The following SHISAL2A variants were observed in gnomAD, a reference collection of about 807,000 sequenced individuals.
SHISAL2A encodes the protein protein shisa-like-2A.
In SHISAL2A, 18 loss-of-function variants were observed where a neutral mutation model predicts 11.5. The observed-to-expected ratio is 1.57, with a 90% confidence interval of 1.08 to 2.33. The LOEUF (loss-of-function observed/expected upper bound fraction) is 2.33. Among genes scored for constraint, SHISAL2A ranks in the 30% most tolerant of loss-of-function variants. The probability of loss-of-function intolerance (pLI) is 0.00; values close to 1 mark genes in which losing one functional copy is unlikely to be tolerated. For synonymous variants in SHISAL2A, 94 were observed against 99.6 expected (o/e 0.94, Z 0.34); for missense variants, 261 against 250.9 (o/e 1.04, Z -0.27).
chr1:52,656,461 C>A (rs1009907354), intron 2 of SHISAL2A, among the ~76,000 whole-genome samples: 2 of 152,214 alleles, frequency 1.3e-5, no homozygotes, highest in Non-Finnish European at 2.9e-5. Context: ...CTTCTCCATA[C>A]TAGCTGTATG....
intron 1 of SHISAL2A, among the ~76,000 whole-genome samples, chr1:52,642,254 AAG>A (rs1389794924): frequency 6.6e-6 from 1 of 152,052 alleles, no homozygotes; most frequent in Non-Finnish European, 1.5e-5. Flanking sequence ...CAGGTGAGGA[AAG>A]TAGGGAGGGA....
intron 2 of SHISAL2A, among the ~76,000 whole-genome samples, chr1:52,651,262 G>C (rs561591038): frequency 1.2e-4 from 18 of 152,168 alleles, no homozygotes; most frequent in African/African-American, 4.3e-4. Flanking sequence ...TTTTGAGACG[G>C]AGTCTCGCTC....
chr1:52,639,760 A>G (rs912065836), intron 1 of SHISAL2A, among the ~76,000 whole-genome samples: 5 of 152,124 alleles, frequency 3.3e-5, no homozygotes, highest in African/African-American at 4.8e-5. Context: ...CTCAAAAAAC[A>G]AAACAAAACA....
Position 52,633,543 on chromosome 1 carries a change from G to A in SHISAL2A, c.50G>A (p.Arg17His). The stretch of plus-strand genomic sequence containing the variant: ...GTGAGCGCAGAGCAGGAGGTGGTGC[G>A]CGGCTTCAGCTGCCCGCGGCCGGGG... Reference protein sequence around the residue: ...SYVSAEQEVVRGFSCPRPGGE... With the variant: ...SYVSAEQEVVHGFSCPRPGGE... Residue 17 changes from arginine to histidine, a missense_variant, in exon 1 of 3, where the codon CGC (arginine) becomes CAC (histidine). By Grantham distance (29) the Arg-to-His change is conservative. Coordinates refer to ENST00000517870, the MANE Select transcript of SHISAL2A (RefSeq NM_001042693.3). The surrounding 1 kb of genome is among the most constrained non-coding windows in gnomAD (Gnocchi z 6.4). 1.2e-6 allele frequency: 2 copies of A among 1,606,958 alleles called. No homozygotes were observed. The highest frequency in any genetic ancestry group is 4.5e-5 in the East Asian group (2 of 44,186).
At chr1:52,642,819 G>A (rs1691396989) in intron 1 of SHISAL2A, 44 bp from the exon 2 acceptor site, 1 of 1,602,028 alleles carries the variant, frequency 6.2e-7, no homozygotes. Flanking sequence ...TGTCTCCCAA[G>A]TCCCTTCCTG....
chr1:52,634,123 C>T (rs1691191572), intron 1 of SHISAL2A, among the ~76,000 whole-genome samples: 1 of 152,152 alleles, frequency 6.6e-6, no homozygotes, highest in African/African-American at 2.4e-5. Flanking sequence ...CCAGTACTGA[C>T]CCCAGACCTT....
At chr1:52,652,264 C>T (rs973593684) in intron 2 of SHISAL2A, among the ~76,000 whole-genome samples, 8 of 152,046 alleles carry the variant, frequency 5.3e-5, no homozygotes, top group African/African-American at 1.4e-4. Flanking sequence ...TTATGAGAAT[C>T]GAGAGAACAG....
At position 52,633,612 on chromosome 1, in the gene SHISAL2A, A is replaced by G; in HGVS notation, c.119A>G (p.Lys40Arg). ...AVFCCGFRDHKYCCDDPHSFF... is the reference protein window; with the variant it reads ...AVFCCGFRDHRYCCDDPHSFF... ...TTCTGCTGCGGCTTCCGCGACCACA[A>G]GTACTGCTGCGACGACCCGCACAGC... is the stretch of plus-strand genomic sequence containing the variant. Residue 40 changes from lysine (K) to arginine (R), a missense_variant, in exon 1 of 3, where the codon AAG becomes AGG. Physicochemically the swap from Lys to Arg is conservative, Grantham distance 26 (BLOSUM62 2). Transcript: ENST00000517870. This position sits in a 1 kb window ranked among gnomAD's most constrained non-coding sequence, Gnocchi z 6.4. The G allele has an allele frequency of 6.2e-7, 1 of 1,612,760 alleles. No homozygotes were observed. Among genetic ancestry groups the G allele is most frequent in the African/African-American group, 1.3e-5 (1 of 74,874 alleles).
At chr1:52,641,234 C>G (rs1691357438) in intron 1 of SHISAL2A, among the ~76,000 whole-genome samples, 1 of 152,148 alleles carries the variant, frequency 6.6e-6, no homozygotes, top group Non-Finnish European at 1.5e-5. Flanking sequence ...TAATCAACCC[C>G]AAGGAAGGGG....
At chr1:52,644,973 C>T (rs1385881144) in intron 2 of SHISAL2A, among the ~76,000 whole-genome samples, 1 of 147,282 alleles carries the variant, frequency 6.8e-6, no homozygotes, top group Non-Finnish European at 1.5e-5. Flanking sequence ...GCAGAAATTG[C>T]GCCACTGCAC....
chr1:52,666,948 A>G (rs1223066815), intron 4 of SHISAL2A, among the ~76,000 whole-genome samples: 5 of 152,198 alleles, frequency 3.3e-5, no homozygotes, highest in Non-Finnish European at 7.3e-5. Flanking sequence ...AGCCACCTGA[A>G]GTAATCTCTG....
At chr1:52,647,089 C>T (rs1010847284) in intron 2 of SHISAL2A, among the ~76,000 whole-genome samples, 1 of 152,150 alleles carries the variant, frequency 6.6e-6, no homozygotes, top group Non-Finnish European at 1.5e-5. Context: ...CTGCCTTGGC[C>T]TCCCAAAGTG....
chr1:52,638,439 A>G (rs1264591879), intron 1 of SHISAL2A, among the ~76,000 whole-genome samples: 1 of 152,218 alleles, frequency 6.6e-6, no homozygotes, highest in Admixed American at 6.5e-5. Flanking sequence ...TAACTAAAGA[A>G]CTAAAAAGCC....
rs549871215 is a variant in SHISAL2A at position 52,662,165 on chromosome 1, G to C, written n.695+2585G>C. On this transcript the variant is annotated intron_variant and non_coding_transcript_variant, in intron 4 of 5. Transcript: ENST00000401050. ...AGATCCCAAACAAATGCCAAGATGTGGGGTAAGGACCATTAGAGTTGCAAA... is the reference window on the plus strand; with the variant it reads ...AGATCCCAAACAAATGCCAAGATGTCGGGTAAGGACCATTAGAGTTGCAAA... Among the ~76,000 whole-genome samples the C allele has an allele frequency of 1.2e-4, 19 of 152,226 alleles. No homozygotes were observed. The East Asian group carries it at 3.7e-3, about 29-fold the overall frequency.
rs568440480 is a variant in SHISAL2A at position 52,647,795 on chromosome 1, G to A, written c.322+4793G>A. Reference sequence around the variant, plus strand: ...AGGAGGTGGAGACTGCAGTGAGCCAGGATCGGCCACTGCACTCCAGCCTGG... The same window carrying A: ...AGGAGGTGGAGACTGCAGTGAGCCAAGATCGGCCACTGCACTCCAGCCTGG... On this transcript the variant is annotated intron_variant, in intron 2 of 2. Transcript: ENST00000517870. Among the ~76,000 whole-genome samples the A allele has an allele frequency of 2.6e-5, 4 of 151,216 alleles. No individual in the cohort carries two copies. In the East Asian group the frequency reaches 7.8e-4, roughly 29 times the overall value.
chr1:52,650,903 C>T (rs934860635), intron 2 of SHISAL2A, among the ~76,000 whole-genome samples: 1 of 151,716 alleles, frequency 6.6e-6, no homozygotes, highest in African/African-American at 2.4e-5. Context: ...TCTCAGCCTC[C>T]CAAAGTGCTG....
chr1:52,633,132 G>A (rs1465992137), upstream of SHISAL2A, among the ~76,000 whole-genome samples: 1 of 152,206 alleles, frequency 6.6e-6, no homozygotes, highest in Non-Finnish European at 1.5e-5. This position sits in a 1 kb window ranked among gnomAD's most constrained non-coding sequence, Gnocchi z 6.4. Context: ...GTGCAGGCAG[G>A]GGGAGCGCAG....
exon 5 of SHISAL2A, chr1:52,667,470 TCATCAC>T (rs60987667): frequency 5.6e-5 from 43 of 769,778 alleles, no homozygotes; most frequent in Middle Eastern, 6.9e-4. Flanking sequence ...TGGAGACAGA[TCATCAC>T]CATCACCATC....
chr1:52,635,283 A>T (rs994436423), intron 1 of SHISAL2A, among the ~76,000 whole-genome samples: 5 of 152,200 alleles, frequency 3.3e-5, no homozygotes, highest in African/African-American at 1.2e-4. Flanking sequence ...GCAGCAAAGA[A>T]AGAGTTTAAT....
Sources: allele counts gnomAD v4.1 joint callset (sites outside exome capture counted in the v4.1 genomes callset), GRCh38; gene constraint gnomAD v4.1.1; non-coding constraint Gnocchi (gnomAD v3.1); transcripts MANE v1.5; gene names NCBI Gene and HGNC (gene_info 2026-07-23, HGNC 2026-07-21).